Variants in CALCRL observed in about 807,000 individuals in gnomAD.
CALCRL encodes the protein calcitonin receptor like receptor, also known as calcitonin gene-related peptide type 1 receptor.
A neutral mutation model predicts 60.4 loss-of-function variants in CALCRL; 27 were observed. That is an observed-to-expected ratio of 0.45 (90% CI 0.33 to 0.62). The LOEUF (loss-of-function observed/expected upper bound fraction) is 0.62. Ranked by LOEUF, CALCRL falls within the 20% of genes least tolerant of loss-of-function variation. The probability of loss-of-function intolerance (pLI) is 0.03; values close to 1 mark genes in which losing one functional copy is unlikely to be tolerated. For missense variants in CALCRL, 424 were observed against 540.7 expected, an observed-to-expected ratio of 0.78 and a Z score of 2.14; for synonymous variants, 190 against 182.6, an observed-to-expected ratio of 1.04 and a Z score of -0.33.
At chr2:187,435,869 CGT>C (rs59728362) in intron 1 of CALCRL, among the ~76,000 whole-genome samples, 53 of 148,584 alleles carry the variant, frequency 3.6e-4, no homozygotes, top group African/African-American at 1.3e-3. Flanking sequence ...TTTGTGCGTG[CGT>C]GTGTGTGTGT....
At chr2:187,425,159 T>G (rs1272368420) in intron 1 of CALCRL, among the ~76,000 whole-genome samples, 35 of 151,886 alleles carry the variant, frequency 2.3e-4, no homozygotes, top group Non-Finnish European at 1.5e-5. Context: ...ATTTAACTGA[T>G]TGCTTGTTTC....
rs1688081283 is a variant in CALCRL at position 187,383,687 on chromosome 2, TC to T, written c.52-383del. 2.0e-5 allele frequency among the ~76,000 whole-genome samples: 3 copies of T among 152,158 alleles called. No homozygotes were observed. In the South Asian group the frequency reaches 6.2e-4, roughly 32 times the overall value. Reference sequence around the variant, plus strand: ...TGAAGGCAAGATATTGTCTGTCCCCTCCCCCAAAGCCTCTGCTTCCTTATTG... The same window carrying T: ...TGAAGGCAAGATATTGTCTGTCCCCTCCCCAAAGCCTCTGCTTCCTTATTG... On this transcript the variant is annotated intron_variant, in intron 4 of 14. Coordinates refer to ENST00000392370, the MANE Select transcript of CALCRL (RefSeq NM_005795.6).
At chr2:187,353,226 A>ATG (rs942390666) in intron 12 of CALCRL, among the ~76,000 whole-genome samples, 4 of 151,858 alleles carry the variant, frequency 2.6e-5, no homozygotes, top group Admixed American at 6.6e-5. Flanking sequence ...CATTTTCTCT[A>ATG]TGCCCATTCC....
intron 3 of CALCRL, among the ~76,000 whole-genome samples, chr2:187,386,859 A>G (rs1240602729): frequency 6.6e-6 from 1 of 152,168 alleles, no homozygotes; most frequent in African/African-American, 2.4e-5. Flanking sequence ...AAGGCTCACA[A>G]GATCCGATGG....
Position 187,342,228 on chromosome 2 carries a change from CTGAAA to C in CALCRL, c.*3951_*3955del, listed in dbSNP as rs1331252355. On this transcript the variant is annotated 3_prime_UTR_variant, in exon 15 of 15. Coordinates refer to ENST00000392370, the MANE Select transcript of CALCRL (RefSeq NM_005795.6). The stretch of plus-strand genomic sequence containing the variant: ...GAATGTAAATTAGTGATGTTTATAG[CTGAAA>C]TGAAAGTAGAGATAGAGGGATAGAG... 1.3e-5 allele frequency among the ~76,000 whole-genome samples: 2 copies of C among 151,558 alleles called. No individual in the cohort carries two copies. Among genetic ancestry groups the C allele is most frequent in the Non-Finnish European group, 3.0e-5 (2 of 67,684 alleles).
chr2:187,418,052 C>T (rs1395088742), intron 1 of CALCRL, among the ~76,000 whole-genome samples: 4 of 152,142 alleles, frequency 2.6e-5, no homozygotes, highest in Non-Finnish European at 4.4e-5. Flanking sequence ...TACTACCCAG[C>T]TTAGTTTGAG....
chr2:187,410,548 G>A (rs1366806716), intron 1 of CALCRL, among the ~76,000 whole-genome samples: 5 of 152,210 alleles, frequency 3.3e-5, no homozygotes, highest in Non-Finnish European at 5.9e-5. Flanking sequence ...TGAAGTGGGT[G>A]TTAGGGTTTT....
At chr2:187,431,364 C>T (rs1333316165) in intron 1 of CALCRL, 1 of 154,864 alleles carries the variant, frequency 6.5e-6, no homozygotes, top group Non-Finnish European at 1.5e-5. Flanking sequence ...ATCGTAGGAC[C>T]CTAGATGACA....
intron 1 of CALCRL, among the ~76,000 whole-genome samples, chr2:187,409,524 T>C (rs182334671): frequency 1.8e-3 from 280 of 152,350 alleles, no homozygotes; most frequent in African/African-American, 6.3e-3. Context: ...AATGTCATGC[T>C]GTACCTTGGA....
chr2:187,403,209 G>T (rs1688968958), intron 1 of CALCRL, among the ~76,000 whole-genome samples: 1 of 151,918 alleles, frequency 6.6e-6, no homozygotes, highest in Non-Finnish European at 1.5e-5. Flanking sequence ...ATTTTAAAAG[G>T]TTTCGTGTAT....
Position 187,380,403 on chromosome 2 carries a change from T to C in CALCRL, c.408+64A>G, listed in dbSNP as rs937599100. 5.7e-6 allele frequency: 5 copies of C among 879,952 alleles called. No individual in the cohort carries two copies. In the African/African-American group the frequency reaches 6.7e-5, roughly 12 times the overall value. 54.5% of individuals were successfully genotyped at this position (879,952 alleles called of 1,614,324 possible). On this transcript the variant is annotated intron_variant, in intron 7 of 14. Transcript: ENST00000392370. ...TGACTTTATTTTCTTTAATACAGTA[T>C]TGGACAAAGGAGCTGTTTAAACAGA...
At chr2:187,366,726 C>G (rs1048005874) in intron 8 of CALCRL, among the ~76,000 whole-genome samples, 1 of 151,948 alleles carries the variant, frequency 6.6e-6, no homozygotes, top group African/African-American at 2.4e-5. Flanking sequence ...ATTTAATCCT[C>G]TTGTATACAG....
chr2:187,379,738 A>G (rs1006170776), intron 7 of CALCRL, among the ~76,000 whole-genome samples: 2 of 152,176 alleles, frequency 1.3e-5, no homozygotes, highest in African/African-American at 4.8e-5. Flanking sequence ...CTTGTGTTAA[A>G]TCAATCCTTA....
intron 1 of CALCRL, among the ~76,000 whole-genome samples, chr2:187,444,165 T>C (rs1270122991): frequency 1.3e-5 from 2 of 151,626 alleles, no homozygotes; most frequent in Non-Finnish European, 3.0e-5. Context: ...TAAATGAGCT[T>C]AGGTTAGCCT....
Position 187,342,273 on chromosome 2 carries a change from G to A in CALCRL, c.*3911C>T, listed in dbSNP as rs983202003. On this transcript the variant is annotated 3_prime_UTR_variant, in exon 15 of 15. Coordinates refer to ENST00000392370, the MANE Select transcript of CALCRL (RefSeq NM_005795.6). ...GAGGGATAGAGAAGTGATGGCTAAA[G>A]GATACACTGTTTCTTCTCAAGGTCA... Among the ~76,000 whole-genome samples the A allele has an allele frequency of 1.4e-4, 21 of 151,698 alleles. No individual in the cohort carries two copies. The highest frequency in any genetic ancestry group is 1.1e-3 in the Admixed American group (17 of 15,204).
intron 1 of CALCRL, among the ~76,000 whole-genome samples, chr2:187,389,838 G>A (rs1688359973): frequency 6.6e-6 from 1 of 151,978 alleles, no homozygotes; most frequent in Non-Finnish European, 1.5e-5. Flanking sequence ...GAATTTATTG[G>A]AATGTATGAT....
chr2:187,445,158 A>G (rs1200412934), intron 1 of CALCRL, among the ~76,000 whole-genome samples: 1 of 151,538 alleles, frequency 6.6e-6, no homozygotes, highest in Non-Finnish European at 1.5e-5. Flanking sequence ...GTATTCTCCA[A>G]TATTCTGATT....
In CALCRL at chr2:187,380,687, A is replaced by G. The variant is rs1347290076; in HGVS notation, c.285T>C (p.Phe95=). ...CATTTCTGCTTTTACCTGATGGATC[A>G]AAGTCCTGAAAGTAATCAGGGCAGA... ...MQLCPDYFQD[F]DPSEKVTKIC... is the part of the protein sequence containing the mutation. Residue 95 remains phenylalanine (F), a synonymous_variant, in exon 6 of 15, where the codon TTT becomes TTC. Transcript: ENST00000392370. The G allele has an allele frequency of 4.5e-5, 73 of 1,613,176 alleles. No individual in the cohort carries two copies. Among genetic ancestry groups the G allele is most frequent in the Non-Finnish European group, 6.2e-5 (73 of 1,179,244 alleles).
At chr2:187,407,726 A>G (rs906172986) in intron 1 of CALCRL, among the ~76,000 whole-genome samples, 27 of 152,158 alleles carry the variant, frequency 1.8e-4, no homozygotes, top group Admixed American at 3.9e-4. Context: ...TTGACACTAA[A>G]TCTTTCCTTA....
Sources: allele counts gnomAD v4.1 joint callset (sites outside exome capture counted in the v4.1 genomes callset), GRCh38; gene constraint gnomAD v4.1.1; transcripts MANE v1.5; gene names NCBI Gene and HGNC (gene_info 2026-07-23, HGNC 2026-07-21).